The following CDYL2 variants were observed in gnomAD, a reference collection of about 807,000 sequenced individuals.
The protein encoded by CDYL2 is chromodomain Y-like protein 2.
CDYL2 carries 23 observed loss-of-function variants against 49.4 expected under a neutral mutation model. The observed-to-expected ratio is 0.47, with a 90% CI of 0.34 to 0.66. The LOEUF (loss-of-function observed/expected upper bound fraction) is 0.66. Among genes scored for constraint, CDYL2 ranks in the 30% least tolerant of loss-of-function variants. The probability of loss-of-function intolerance (pLI) is 0.01; values close to 1 mark genes in which losing one functional copy is unlikely to be tolerated. For synonymous variants in CDYL2, 360 were observed against 268.8 expected, an observed-to-expected ratio of 1.34 and a Z score of -3.32; for missense variants, 678 against 656.4, an observed-to-expected ratio of 1.03 and a Z score of -0.36.
chr16:80,671,606 A>G (rs1401911395), intron 2 of CDYL2, among the ~76,000 whole-genome samples: 1 of 152,248 alleles, frequency 6.6e-6, no homozygotes, highest in Non-Finnish European at 1.5e-5. Flanking sequence ...CTCAAAAGAC[A>G]GGAGTGAACC....
intron 1 of CDYL2, among the ~76,000 whole-genome samples, chr16:80,751,636 T>C (rs1357610261): frequency 6.6e-6 from 1 of 152,192 alleles, no homozygotes; most frequent in Admixed American, 6.5e-5. Context: ...CAATGATTCT[T>C]AGTCAAAGAA....
In CDYL2 at chr16:80,736,884, G is replaced by C. The variant is rs185825821; in HGVS notation, c.25-51755C>G. Reference sequence around the variant, plus strand: ...CATTTGAACTGTTCACTTGCACATGGATTTATTATCTAATCATTGTTCACA... The same window carrying C: ...CATTTGAACTGTTCACTTGCACATGCATTTATTATCTAATCATTGTTCACA... On this transcript the variant is annotated intron_variant, in intron 1 of 6. Coordinates refer to ENST00000570137, the MANE Select transcript of CDYL2 (RefSeq NM_152342.4). Among the ~76,000 whole-genome samples, 281 of 152,286 alleles carry C rather than the reference G, an allele frequency of 1.8e-3. 2 individuals carry two copies. Among genetic ancestry groups the C allele is most frequent in the Admixed American group, 2.4e-3 (37 of 15,300 alleles).
chr16:80,778,244 A>G (rs1907154466), intron 1 of CDYL2, among the ~76,000 whole-genome samples: 1 of 152,028 alleles, frequency 6.6e-6, no homozygotes, highest in Non-Finnish European at 1.5e-5. Flanking sequence ...TGAATGAGAA[A>G]CAAGAAACAT....
At chr16:80,759,114 A>ATATG (rs1157876554) in intron 1 of CDYL2, among the ~76,000 whole-genome samples, 13 of 118,686 alleles carry the variant, frequency 1.1e-4, no homozygotes, top group Non-Finnish European at 2.2e-4. Context: ...ATATATATAT[A>ATATG]TATATATATA....
chr16:80,710,114 G>C (rs1904544395), intron 1 of CDYL2, among the ~76,000 whole-genome samples: 1 of 152,032 alleles, frequency 6.6e-6, no homozygotes. Context: ...TTTTAGTACA[G>C]ACGGGGATTT....
intron 3 of CDYL2, among the ~76,000 whole-genome samples, chr16:80,622,989 G>A (rs988405548): frequency 6.6e-6 from 1 of 152,202 alleles, no homozygotes; most frequent in Non-Finnish European, 1.5e-5. Context: ...GGCTCAGAGA[G>A]AAAGGTGACT....
intron 2 of CDYL2, among the ~76,000 whole-genome samples, chr16:80,646,416 G>T (rs1244185162): frequency 6.6e-6 from 1 of 152,164 alleles, no homozygotes; most frequent in Non-Finnish European, 1.5e-5. Context: ...AATGGCAGGA[G>T]AAAGTCTTTA....
chr16:80,658,269 G>C (rs1326817227), intron 2 of CDYL2, among the ~76,000 whole-genome samples: 1 of 151,708 alleles, frequency 6.6e-6, no homozygotes, highest in African/African-American at 2.4e-5. Flanking sequence ...AACATGTTAA[G>C]ATATAAAATA....
chr16:80,642,345 A>C (rs1908134662), intron 2 of CDYL2, among the ~76,000 whole-genome samples: 1 of 152,142 alleles, frequency 6.6e-6, no homozygotes, highest in South Asian at 2.1e-4. Context: ...TGGGAGGCTG[A>C]GTTGAGAGAA....
chr16:80,745,049 C>G (rs991713349), intron 1 of CDYL2, among the ~76,000 whole-genome samples: 4 of 152,172 alleles, frequency 2.6e-5, no homozygotes, highest in African/African-American at 7.2e-5. Flanking sequence ...AACCATGGTG[C>G]TAGAGGCCCT....
At chr16:80,796,417 T>A (rs1907769863) in intron 1 of CDYL2, among the ~76,000 whole-genome samples, 1 of 152,202 alleles carries the variant, frequency 6.6e-6, no homozygotes, top group Admixed American at 6.5e-5. Flanking sequence ...GACCATCACA[T>A]AACTTATCAA....
At chr16:80,656,721 G>C (rs897255253) in intron 2 of CDYL2, among the ~76,000 whole-genome samples, 2 of 152,296 alleles carry the variant, frequency 1.3e-5, no homozygotes, top group African/African-American at 2.4e-5. Flanking sequence ...CAAAAGGAGA[G>C]AGTCAATAAG....
rs41318649 is a variant in CDYL2 at position 80,680,137 on chromosome 16, G to C, written c.616+4401C>G. Among the ~76,000 whole-genome samples the C allele has an allele frequency of 4.3e-3, 650 of 152,356 alleles. 6 individuals carry two copies. The highest frequency in any genetic ancestry group is 0.015 in the African/African-American group (633 of 41,584). ...ATAAACAAATGTTCTAGAAGTGAAA[G>C]CTGAGACGATTTTAAAAGATCAATG... is the stretch of plus-strand genomic sequence containing the variant. On this transcript the variant is annotated intron_variant, in intron 2 of 6. Coordinates refer to ENST00000570137, the MANE Select transcript of CDYL2 (RefSeq NM_152342.4).
rs1183038741 is a variant in CDYL2 at position 80,607,744 on chromosome 16, T to C, written c.1362+348A>G. On this transcript the variant is annotated intron_variant, in intron 6 of 6. Transcript: ENST00000570137. ...CATCTTCCGGATGGGTTCAATACTT[T>C]TTATCCTTATTGGCCGCTGCTTCTC... Among the ~76,000 whole-genome samples, 4 of 152,218 alleles carry C rather than the reference T, an allele frequency of 2.6e-5. 1 individual carries two copies. The East Asian group carries it at 7.7e-4, about 29-fold the overall frequency.
chr16:80,778,788 G>C (rs902164413), intron 1 of CDYL2, among the ~76,000 whole-genome samples: 2 of 151,942 alleles, frequency 1.3e-5, no homozygotes, highest in Non-Finnish European at 2.9e-5. Context: ...CACAATAATG[G>C]AAATTGTAGA....
intron 3 of CDYL2, among the ~76,000 whole-genome samples, chr16:80,623,183 A>G (rs1402640921): frequency 2.0e-5 from 3 of 151,796 alleles, no homozygotes; most frequent in Non-Finnish European, 2.9e-5. Context: ...TGCAGAGTCT[A>G]AAGCCCCAGC....
intron 1 of CDYL2, among the ~76,000 whole-genome samples, chr16:80,780,033 T>G (rs565377776): frequency 6.6e-6 from 1 of 152,290 alleles, no homozygotes; most frequent in South Asian, 2.1e-4. Context: ...TATGACTGTA[T>G]CTGATTGCAA....
At chr16:80,748,309 G>A (rs1021347466) in intron 1 of CDYL2, among the ~76,000 whole-genome samples, 2 of 149,578 alleles carry the variant, frequency 1.3e-5, no homozygotes, top group Non-Finnish European at 3.0e-5. Flanking sequence ...GGCAGATCAC[G>A]AGGTCAGCAG....
rs143377949 is a variant in CDYL2, at chr16:80,632,983, C to A, written c.834+36G>T. 0.01 allele frequency: 16,012 copies of A among 1,588,396 alleles called. 142 individuals are homozygous for A. Among genetic ancestry groups the A allele is most frequent in the Non-Finnish European group, 0.011 (12,400 of 1,157,664 alleles). ...CATTCTGAGTGAGAAGGAGCCACAG[C>A]CCAGCTTGCCCTTCCCTCTGGCCGC... On this transcript the variant is annotated intron_variant, in intron 3 of 6. Transcript: ENST00000570137.
Sources: allele counts gnomAD v4.1 joint callset (sites outside exome capture counted in the v4.1 genomes callset), GRCh38; gene constraint gnomAD v4.1.1; transcripts MANE v1.5; gene names NCBI Gene and HGNC (gene_info 2026-07-23, HGNC 2026-07-21).